Variants in CD200R1L observed in about 807,000 individuals in gnomAD.
CD200R1L encodes cell surface glycoprotein CD200 receptor 2.
In CD200R1L, 14 loss-of-function variants were observed where a neutral mutation model predicts 24.8. The ratio of observed to expected loss-of-function variants is 0.56; its 90% CI spans 0.37 to 0.88. The LOEUF (loss-of-function observed/expected upper bound fraction) is 0.88, where lower values mean the gene tolerates loss of function less well. Ranked by LOEUF, CD200R1L falls within the 40% of genes least tolerant of loss-of-function variation. The pLI, the probability that CD200R1L is intolerant of heterozygous loss-of-function variation, is 0.00. For synonymous variants in CD200R1L, 111 were observed against 109.2 expected (o/e 1.02, Z -0.11); for missense variants, 299 against 297.8 (o/e 1.00, Z -0.03).
In CD200R1L at chr3:112,815,905, A is replaced by G. The variant is rs191110735; in HGVS notation, c.*58T>C. On this transcript the variant is annotated 3_prime_UTR_variant, in exon 8 of 8. Transcript: ENST00000488794. ...TCACTGCTGGACCATCACTCATCTCACCAATGTTGCAGTCCAGAGACAAGG... is the reference window on the plus strand; with the variant it reads ...TCACTGCTGGACCATCACTCATCTCGCCAATGTTGCAGTCCAGAGACAAGG... 88 of 778,380 alleles carry G rather than the reference A, an allele frequency of 1.1e-4. 1 individual carries two copies. In the East Asian group the frequency reaches 2.1e-3, roughly 19 times the overall value. The allele number at this position is 778,380 out of a possible 1,614,324, so 48.2% of individuals were successfully genotyped here.
chr3:112,826,972 C>G (rs1938669848), intron 6 of CD200R1L, 21 bp downstream of exon 6: 1 of 1,557,208 alleles, frequency 6.4e-7, no homozygotes, highest in African/African-American at 1.4e-5. Flanking sequence ...GTTTACTCTT[C>G]TACAAGAAAC....
intron 6 of CD200R1L, among the ~76,000 whole-genome samples, chr3:112,824,412 G>A (rs1938610877): frequency 6.6e-6 from 1 of 152,180 alleles, no homozygotes; most frequent in Admixed American, 6.5e-5. Flanking sequence ...AAGCTGTCCA[G>A]TTGGAAGTTG....
At chr3:112,842,424 G>A (rs1354037199) in intron 2 of CD200R1L, among the ~76,000 whole-genome samples, 2 of 152,184 alleles carry the variant, frequency 1.3e-5, no homozygotes, top group African/African-American at 4.8e-5. Context: ...GAACCACTGT[G>A]ATAATTGTGT....
At chr3:112,816,804 G>A in intron 7 of CD200R1L, among the ~76,000 whole-genome samples, 1 of 152,178 alleles carries the variant, frequency 6.6e-6, no homozygotes, top group East Asian at 1.9e-4. Context: ...TTGAATCATG[G>A]GAGCAGGTCT....
At chr3:112,831,415 G>A (rs1004652834) in intron 3 of CD200R1L, among the ~76,000 whole-genome samples, 2 of 152,184 alleles carry the variant, frequency 1.3e-5, no homozygotes, top group African/African-American at 4.8e-5. Flanking sequence ...GTGTGTGCAT[G>A]AGTGAGTGAA....
intron 2 of CD200R1L, among the ~76,000 whole-genome samples, chr3:112,844,835 A>T (rs779958631): frequency 1.3e-4 from 20 of 151,866 alleles, no homozygotes; most frequent in Non-Finnish European, 2.4e-4. Flanking sequence ...GAGGCAAGAG[A>T]CTCTCTTGAA....
At chr3:112,820,856 G>A (rs551512329) in intron 6 of CD200R1L, among the ~76,000 whole-genome samples, 4 of 151,578 alleles carry the variant, frequency 2.6e-5, no homozygotes, top group South Asian at 2.1e-4. Flanking sequence ...TCAGGAATTC[G>A]AGACCAGCCT....
chr3:112,841,600 G>C (rs1939082065), intron 2 of CD200R1L, among the ~76,000 whole-genome samples: 1 of 152,158 alleles, frequency 6.6e-6, no homozygotes, highest in African/African-American at 2.4e-5. Context: ...TGACTGCCAG[G>C]CTGGCAGAAG....
chr3:112,838,473 A>AAAAAC (rs1553761884), intron 2 of CD200R1L, among the ~76,000 whole-genome samples: 1 of 125,410 alleles, frequency 8.0e-6, no homozygotes, highest in African/African-American at 3.2e-5. Flanking sequence ...ATTTGCAAAA[A>AAAAAC]AAACAAACAA....
At chr3:112,822,639 T>C (rs369729226) in intron 6 of CD200R1L, among the ~76,000 whole-genome samples, 2 of 152,190 alleles carry the variant, frequency 1.3e-5, no homozygotes, top group East Asian at 3.8e-4. Flanking sequence ...TTTTATCTTT[T>C]TTTGTCTGTT....
At chr3:112,829,845 G>A (rs1358607101) in intron 3 of CD200R1L, among the ~76,000 whole-genome samples, 1 of 151,784 alleles carries the variant, frequency 6.6e-6, no homozygotes, top group Non-Finnish European at 1.5e-5. Context: ...ACACAAAACT[G>A]GAATAATTAC....
intron 3 of CD200R1L, among the ~76,000 whole-genome samples, chr3:112,830,561 A>G (rs1938773296): frequency 7.7e-6 from 1 of 130,304 alleles, no homozygotes; most frequent in South Asian, 2.6e-4. Context: ...TTGATGCAGG[A>G]AGAATTGTTT....
intron 6 of CD200R1L, among the ~76,000 whole-genome samples, chr3:112,820,765 T>C (rs1289196488): frequency 6.6e-6 from 1 of 151,054 alleles, no homozygotes; most frequent in African/African-American, 2.4e-5. Flanking sequence ...TCCTATGAAA[T>C]TGACCACCTA....
At chr3:112,838,485 C>CAAA (rs142677700) in intron 2 of CD200R1L, among the ~76,000 whole-genome samples, 1 of 123,830 alleles carries the variant, frequency 8.1e-6, no homozygotes, top group Non-Finnish European at 1.6e-5. Flanking sequence ...AACAAACAAA[C>CAAA]AAACAAAAAA....
chr3:112,817,732 T>C (rs1052378456), intron 7 of CD200R1L, among the ~76,000 whole-genome samples: 8 of 152,216 alleles, frequency 5.3e-5, no homozygotes, highest in African/African-American at 1.9e-4. Context: ...ATGCATATAA[T>C]ATCATCCAAT....
chr3:112,837,966 T>C lies in CD200R1L; in HGVS notation c.-42A>G. ...CCTTCATTAAGACGTATTCTCTAAC[T>C]TTGTATTTCCAGTTGTGTCATCAGA... On this transcript the variant is annotated 5_prime_UTR_variant, in exon 3 of 8. Transcript: ENST00000488794. The C allele has an allele frequency of 8.0e-7, 1 of 1,244,674 alleles. No individual in the cohort carries two copies. Among genetic ancestry groups the C allele is most frequent in the Non-Finnish European group, 1.0e-6 (1 of 970,256 alleles). 77.1% of individuals were successfully genotyped at this position (1,244,674 alleles called of 1,614,324 possible). A position where few individuals can be genotyped will look rare whatever the true frequency, so the allele number is the denominator to read the frequency against.
At chr3:112,831,558 G>A (rs1938799254) in intron 3 of CD200R1L, among the ~76,000 whole-genome samples, 1 of 152,170 alleles carries the variant, frequency 6.6e-6, no homozygotes, top group Non-Finnish European at 1.5e-5. Flanking sequence ...AGTATAACTA[G>A]CTAAGGTAAA....
Position 112,827,177 on chromosome 3 carries a change from C to T in CD200R1L, c.432G>A (p.Gly144=), listed in dbSNP as rs367755232. The T allele has an allele frequency of 8.7e-5, 141 of 1,613,528 alleles. No homozygotes were observed. The highest frequency in any genetic ancestry group is 3.4e-5 in the Non-Finnish European group (40 of 1,180,006). ...TCCAGGAGATCTGGGCAGCTGGCTT[C>T]CCTGTAACTGCCTTGCATACTGCAG... The part of the protein sequence containing the change: ...NITAVCKAVT[G]KPAAQISWIP... The change falls in exon 6 of 8, where the codon GGG becomes GGA. Residue 144 remains glycine, a synonymous_variant. Coordinates refer to ENST00000488794, the MANE Select transcript of CD200R1L (RefSeq NM_001199215.3).
chr3:112,818,017 T>C (rs1938438120), intron 7 of CD200R1L, among the ~76,000 whole-genome samples: 1 of 152,190 alleles, frequency 6.6e-6, no homozygotes, highest in Non-Finnish European at 1.5e-5. Flanking sequence ...CCTATCACTA[T>C]CATGAGAATA....
Sources: allele counts gnomAD v4.1 joint callset (sites outside exome capture counted in the v4.1 genomes callset), GRCh38; gene constraint gnomAD v4.1.1; transcripts MANE v1.5; gene names NCBI Gene and HGNC (gene_info 2026-07-23, HGNC 2026-07-21).